The following FAT3 variants were observed in gnomAD, a reference collection of about 807,000 sequenced individuals.
FAT3 encodes the protein FAT atypical cadherin 3.
A neutral mutation model predicts 310.2 loss-of-function variants in FAT3; 95 were observed. That is an observed-to-expected ratio of 0.31 (90% CI 0.26 to 0.36). The LOEUF is 0.36. FAT3 is among the 10% of genes least tolerant of loss of function. The pLI is 1.00. For synonymous variants in FAT3, 2,314 were observed against 2,192.9 expected (o/e 1.06, Z -1.54); for missense variants, 5,408 against 5,715.6 (o/e 0.95, Z 1.74).
intron 3 of FAT3, among the ~76,000 whole-genome samples, chr11:92,694,810 C>T (rs1014536866): frequency 6.6e-6 from 1 of 152,100 alleles, no homozygotes; most frequent in African/African-American, 2.4e-5. Context: ...CTATTGTGGA[C>T]TCTAATAGAG....
At chr11:92,416,025 G>A (rs1421963769) in intron 2 of FAT3, among the ~76,000 whole-genome samples, 2 of 140,884 alleles carry the variant, frequency 1.4e-5, no homozygotes, top group African/African-American at 2.7e-5. Context: ...CCTGTTCCAC[G>A]TGATTCAGAG....
intron 2 of FAT3, among the ~76,000 whole-genome samples, chr11:92,451,215 T>A (rs1203046909): frequency 6.6e-6 from 1 of 152,152 alleles, no homozygotes; most frequent in Non-Finnish European, 1.5e-5. Context: ...CCTTGTGTGG[T>A]GAAGAAGGGT....
chr11:92,368,960 A>G (rs958409753), intron 2 of FAT3, among the ~76,000 whole-genome samples: 10 of 151,750 alleles, frequency 6.6e-5, no homozygotes, highest in Admixed American at 3.3e-4. Context: ...TAGCCATTCC[A>G]GTATGTGTGT....
At chr11:92,540,770 G>GT (rs1317143595) in intron 3 of FAT3, among the ~76,000 whole-genome samples, 26 of 105,106 alleles carry the variant, frequency 2.5e-4, no homozygotes, top group African/African-American at 7.6e-4. Flanking sequence ...GTTTTGTTTT[G>GT]TTTTGTTTTT....
At chr11:92,438,814 C>T (rs1009432429) in intron 2 of FAT3, among the ~76,000 whole-genome samples, 1 of 152,136 alleles carries the variant, frequency 6.6e-6, no homozygotes, top group Non-Finnish European at 1.5e-5. Context: ...TGCTTTTCCA[C>T]AAGGTAAAGT....
At chr11:92,466,555 C>CTT (rs903515077) in intron 2 of FAT3, among the ~76,000 whole-genome samples, 11 of 148,826 alleles carry the variant, frequency 7.4e-5, no homozygotes, top group Admixed American at 3.4e-4. Flanking sequence ...TTCCGCATAT[C>CTT]TTTTTTTTTT....
intron 21 of FAT3, among the ~76,000 whole-genome samples, chr11:92,864,848 G>A (rs532770058): frequency 6.6e-6 from 1 of 152,294 alleles, no homozygotes; most frequent in African/African-American, 2.4e-5. Flanking sequence ...GATTACACTT[G>A]AAAGCTCTCA....
chr11:92,619,447 T>C (rs1252437740), intron 3 of FAT3, among the ~76,000 whole-genome samples: 1 of 152,186 alleles, frequency 6.6e-6, no homozygotes, highest in Admixed American at 6.5e-5. Flanking sequence ...AATTCATTTG[T>C]AAATTTGTTC....
At chr11:92,548,779 GA>G (rs988295461) in intron 3 of FAT3, among the ~76,000 whole-genome samples, 2 of 152,148 alleles carry the variant, frequency 1.3e-5, no homozygotes, top group African/African-American at 2.4e-5. Flanking sequence ...AGAAGTGAGA[GA>G]GGGGGTATTT....
intron 1 of FAT3, among the ~76,000 whole-genome samples, chr11:92,330,965 GGT>G (rs375080524): frequency 0.033 from 4,454 of 135,566 alleles, 65 homozygotes; most frequent in Middle Eastern, 0.056. Context: ...AGGAGTAAAG[GGT>G]GTGTGTGTGT....
At chr11:92,366,006 G>A (rs980208591) in intron 2 of FAT3, among the ~76,000 whole-genome samples, 1 of 152,206 alleles carries the variant, frequency 6.6e-6, no homozygotes, top group Non-Finnish European at 1.5e-5. Context: ...GCTCTCTGGG[G>A]TGAGGGAGGA....
At chr11:92,331,269 A>C (rs1462476535) in intron 1 of FAT3, among the ~76,000 whole-genome samples, 1 of 150,828 alleles carries the variant, frequency 6.6e-6, no homozygotes, top group Non-Finnish European at 1.5e-5. Flanking sequence ...AGTGCATATA[A>C]GGTATGTTTT....
intron 2 of FAT3, among the ~76,000 whole-genome samples, chr11:92,428,183 G>A (rs940457714): frequency 1.3e-4 from 19 of 151,480 alleles, no homozygotes; most frequent in Non-Finnish European, 2.2e-4. Flanking sequence ...TAGTATTCTC[G>A]GATGGTAGTT....
At chr11:92,285,948 T>C (rs572956034) in intron 1 of FAT3, among the ~76,000 whole-genome samples, 9 of 152,292 alleles carry the variant, frequency 5.9e-5, no homozygotes, top group Non-Finnish European at 1.0e-4. Context: ...GCCAGAAGGA[T>C]GGCAGGCAGT....
At chr11:92,308,177 C>T (rs550903908) in intron 1 of FAT3, among the ~76,000 whole-genome samples, 38 of 152,158 alleles carry the variant, frequency 2.5e-4, no homozygotes, top group African/African-American at 8.4e-4. Flanking sequence ...CACATGAATG[C>T]GTGTGCTTTT....
chr11:92,486,137 T>TG (rs1447270853), intron 2 of FAT3, among the ~76,000 whole-genome samples: 2 of 126,028 alleles, frequency 1.6e-5, no homozygotes, highest in African/African-American at 6.2e-5. Context: ...GGGGTTTTTT[T>TG]TTTTTTTTTT....
At chr11:92,434,545 A>ATCTCC (rs1371846339) in intron 2 of FAT3, among the ~76,000 whole-genome samples, 1 of 152,112 alleles carries the variant, frequency 6.6e-6, no homozygotes, top group African/African-American at 2.4e-5. Flanking sequence ...GGACTGAAAT[A>ATCTCC]TCTCCTGCAC....
intron 3 of FAT3, among the ~76,000 whole-genome samples, chr11:92,650,998 C>T (rs895320938): frequency 2.0e-5 from 3 of 152,174 alleles, no homozygotes; most frequent in South Asian, 2.1e-4. Flanking sequence ...AGCATTCCTT[C>T]GGATGAAGTT....
chr11:92,535,736 CTCATTGTT>C (rs1315454806), intron 3 of FAT3, among the ~76,000 whole-genome samples: 4 of 152,034 alleles, frequency 2.6e-5, no homozygotes, highest in Non-Finnish European at 5.9e-5. Flanking sequence ...TTCTAAGTCT[CTCATTGTT>C]TCTAAGTCAT....
Sources: allele counts gnomAD v4.1 joint callset (sites outside exome capture counted in the v4.1 genomes callset), GRCh38; gene constraint gnomAD v4.1.1; transcripts MANE v1.5; gene names NCBI Gene and HGNC (gene_info 2026-07-23, HGNC 2026-07-21).